Variants in SLCO1B1 observed in about 807,000 individuals in gnomAD.
The protein encoded by SLCO1B1 is OATP-2.
SLCO1B1 carries 81 observed loss-of-function variants against 70.1 expected under a neutral mutation model. That is an observed-to-expected ratio of 1.16 (90% CI 0.97 to 1.39). The LOEUF is 1.39. SLCO1B1 is among the 40% of genes most tolerant of loss of function. The probability of loss-of-function intolerance (pLI) is 0.00; values close to 1 mark genes in which losing one functional copy is unlikely to be tolerated. For synonymous variants in SLCO1B1, 283 were observed against 271.5 expected, an observed-to-expected ratio of 1.04 and a Z score of -0.42; for missense variants, 895 against 799.6, an observed-to-expected ratio of 1.12 and a Z score of -1.44.
At chr12:21,220,707 G>C (rs1284888578) in intron 12 of SLCO1B1, among the ~76,000 whole-genome samples, 2 of 151,824 alleles carry the variant, frequency 1.3e-5, no homozygotes, top group Admixed American at 1.3e-4. Context: ...AAGTAACTGT[G>C]TCAAGGGCTG....
At chr12:21,150,997 G>C (rs1940463888) in intron 2 of SLCO1B1, among the ~76,000 whole-genome samples, 1 of 152,124 alleles carries the variant, frequency 6.6e-6, no homozygotes, top group Admixed American at 6.5e-5. Flanking sequence ...TATGAGAAAT[G>C]CATTGTTAGA....
chr12:21,227,183 A>G (rs543777076), intron 14 of SLCO1B1, among the ~76,000 whole-genome samples: 2 of 152,320 alleles, frequency 1.3e-5, no homozygotes, highest in South Asian at 4.1e-4. Flanking sequence ...AAAATATTGG[A>G]AGCAACTTAA....
intron 8 of SLCO1B1, among the ~76,000 whole-genome samples, chr12:21,198,214 C>T (rs564969659): frequency 6.6e-6 from 1 of 152,172 alleles, no homozygotes; most frequent in African/African-American, 2.4e-5. Flanking sequence ...TATATTGGCT[C>T]ATAGCAGAGG....
intron 6 of SLCO1B1, 66 bp downstream of exon 6, chr12:21,178,788 T>A: frequency 1.4e-6 from 2 of 1,445,814 alleles, no homozygotes; most frequent in Non-Finnish European, 1.9e-6. Context: ...AATAGTAGAG[T>A]TACTAAACTT....
At chr12:21,205,624 T>C (rs1941206433) in intron 10 of SLCO1B1, among the ~76,000 whole-genome samples, 1 of 151,828 alleles carries the variant, frequency 6.6e-6, no homozygotes, top group Non-Finnish European at 1.5e-5. Context: ...TATTTTTACA[T>C]TTTGCTTTTT....
At chr12:21,187,700 A>G (rs899681894) in intron 7 of SLCO1B1, among the ~76,000 whole-genome samples, 1 of 152,176 alleles carries the variant, frequency 6.6e-6, no homozygotes, top group Non-Finnish European at 1.5e-5. Flanking sequence ...TAAGTGCAAA[A>G]CAATACATTT....
chr12:21,206,134 G>A (rs1941212742), intron 11 of SLCO1B1, 101 bp downstream of exon 11: 2 of 1,000,940 alleles, frequency 2.0e-6, no homozygotes, highest in South Asian at 1.4e-5. Flanking sequence ...CCATTAAAAA[G>A]ATAAAAGAGA....
intron 1 of SLCO1B1, among the ~76,000 whole-genome samples, chr12:21,134,432 G>T (rs1940187378): frequency 2.0e-5 from 3 of 152,118 alleles, no homozygotes. Flanking sequence ...TTGTACCTCT[G>T]GTAGAATTCG....
At chr12:21,149,588 G>C (rs536135813) in intron 2 of SLCO1B1, among the ~76,000 whole-genome samples, 4 of 152,236 alleles carry the variant, frequency 2.6e-5, no homozygotes, top group African/African-American at 9.6e-5. Flanking sequence ...CCTAACCTGG[G>C]AAGTGCAAGT....
chr12:21,200,962 A>G (rs1227019130), intron 9 of SLCO1B1, among the ~76,000 whole-genome samples: 1 of 152,140 alleles, frequency 6.6e-6, no homozygotes, highest in Non-Finnish European at 1.5e-5. Context: ...TTTAGTGCTA[A>G]GATCTGAGAC....
chr12:21,167,768 T>TG (rs1391077353), intron 2 of SLCO1B1, among the ~76,000 whole-genome samples: 1 of 151,996 alleles, frequency 6.6e-6, no homozygotes, highest in Non-Finnish European at 1.5e-5. Context: ...CCACTTTCTG[T>TG]TTCTAATTTT....
chr12:21,237,048 T>C (rs1941603186), intron 14 of SLCO1B1, among the ~76,000 whole-genome samples: 1 of 152,182 alleles, frequency 6.6e-6, no homozygotes, highest in South Asian at 2.1e-4. Context: ...GTGAGACCAA[T>C]GTTGATTATA....
intron 2 of SLCO1B1, among the ~76,000 whole-genome samples, chr12:21,152,533 C>CTTGTTTTTTT (rs1940485091): frequency 2.9e-5 from 1 of 34,358 alleles, no homozygotes. Context: ...AGAGGAGAGG[C>CTTGTTTTTTT]TTTTTTTTTT....
At chr12:21,171,407 G>C (rs971427572) in intron 2 of SLCO1B1, among the ~76,000 whole-genome samples, 1 of 152,114 alleles carries the variant, frequency 6.6e-6, no homozygotes, top group Non-Finnish European at 1.5e-5. Context: ...AAAGAGGATA[G>C]GTTGTTTATG....
At chr12:21,214,285 G>T (rs1354920424) in intron 11 of SLCO1B1, among the ~76,000 whole-genome samples, 2 of 151,796 alleles carry the variant, frequency 1.3e-5, no homozygotes, top group African/African-American at 4.9e-5. Flanking sequence ...CTAACAGACA[G>T]GACCCTCAGC....
chr12:21,176,740 A>C (rs1241469620), intron 4 of SLCO1B1, 36 bp from the exon 5 acceptor site: 1 of 1,460,734 alleles, frequency 6.8e-7, no homozygotes, highest in African/African-American at 1.4e-5. Flanking sequence ...TATTCAGTAG[A>C]TAAGCAAAAT....
At chr12:21,233,478 G>A (rs2121207480) in intron 14 of SLCO1B1, among the ~76,000 whole-genome samples, 1 of 149,436 alleles carries the variant, frequency 6.7e-6, no homozygotes, top group Admixed American at 6.7e-5. Context: ...CTTGATTGAA[G>A]AGAAATCTCC....
chr12:21,176,458 C>A (rs899987904), intron 4 of SLCO1B1, among the ~76,000 whole-genome samples: 23 of 152,042 alleles, frequency 1.5e-4, no homozygotes, highest in African/African-American at 5.1e-4. Context: ...TGGTTACACA[C>A]AATTAATAAT....
chr12:21,234,653 CA>C (rs1448730209), intron 14 of SLCO1B1, among the ~76,000 whole-genome samples: 2 of 152,078 alleles, frequency 1.3e-5, no homozygotes, highest in African/African-American at 4.8e-5. Flanking sequence ...TATAGTTTTG[CA>C]GTGAAAATTT....
Sources: gnomAD v4.1 joint callset for allele counts (sites outside exome capture counted in the v4.1 genomes callset) on GRCh38, gnomAD v4.1.1 for gene constraint, MANE v1.5 for transcripts, NCBI Gene and HGNC (gene_info 2026-07-23, HGNC 2026-07-21) for gene names.